The following STK3 variants were observed in gnomAD, a reference collection of about 807,000 sequenced individuals.
The protein encoded by STK3 is serine/threonine kinase 3.
STK3 carries 41 observed loss-of-function variants against 58.0 expected under a neutral mutation model. That is an observed-to-expected ratio of 0.71 (90% CI 0.55 to 0.92). The LOEUF is 0.92. STK3 is among the 40% of genes least tolerant of loss of function. The pLI is 0.00. For missense variants in STK3, 479 were observed against 602.7 expected, an observed-to-expected ratio of 0.79 and a Z score of 2.15; for synonymous variants, 170 against 191.0, an observed-to-expected ratio of 0.89 and a Z score of 0.91.
At chr8:98,826,739 G>A (rs989196208), upstream of STK3, among the ~76,000 whole-genome samples, 1 of 149,036 alleles carries the variant, frequency 6.7e-6, no homozygotes, top group South Asian at 2.2e-4. Flanking sequence ...AAATTGTCAA[G>A]ATGGGCCGGG....
rs936888576 is a variant in STK3 at position 98,912,881 on chromosome 8, T to C, written c.-78-29047A>G. ...GAGTGGTTGTGTTTTTTTTGTTTTT[T>C]GTTTTTTTGACAAAGTCTCACTGGT... On this transcript the variant is annotated intron_variant, in intron 1 of 1. Transcript: ENST00000519420. 2.6e-5 allele frequency among the ~76,000 whole-genome samples: 4 copies of C among 152,224 alleles called. No homozygotes were observed. In the South Asian group the frequency reaches 8.3e-4, roughly 32 times the overall value.
intron 3 of STK3, among the ~76,000 whole-genome samples, chr8:98,765,723 G>C (rs1389657663): frequency 6.6e-6 from 1 of 152,258 alleles, no homozygotes; most frequent in African/African-American, 2.4e-5. Flanking sequence ...AACGATGAGA[G>C]AGTACAAGAA....
At chr8:98,565,512 T>A (rs1420736171) in intron 8 of STK3, among the ~76,000 whole-genome samples, 4 of 152,154 alleles carry the variant, frequency 2.6e-5, no homozygotes, top group African/African-American at 9.6e-5. Context: ...AGAGTATTTT[T>A]AAAATATTTT....
intron 6 of STK3, among the ~76,000 whole-genome samples, chr8:98,621,594 C>G (rs1282636881): frequency 2.0e-5 from 3 of 152,088 alleles, no homozygotes; most frequent in African/African-American, 7.2e-5. Flanking sequence ...ATTCTGAGAT[C>G]ATTCAATACC....
intron 7 of STK3, among the ~76,000 whole-genome samples, chr8:98,584,104 T>C (rs1814213603): frequency 6.6e-6 from 1 of 152,090 alleles, no homozygotes; most frequent in African/African-American, 2.4e-5. Flanking sequence ...TTTTTTTTTC[T>C]TTTATTATTA....
At chr8:98,488,471 T>C (rs1346660584) in intron 10 of STK3, among the ~76,000 whole-genome samples, 1 of 152,020 alleles carries the variant, frequency 6.6e-6, no homozygotes, top group Admixed American at 6.6e-5. Flanking sequence ...TAGGGTAGGG[T>C]AGGGAGGAAA....
intron 6 of STK3, among the ~76,000 whole-genome samples, chr8:98,697,116 T>C (rs1165393021): frequency 1.3e-5 from 2 of 152,254 alleles, no homozygotes; most frequent in African/African-American, 4.8e-5. Flanking sequence ...ATTTATCCAT[T>C]TCTTCTAGAT....
At chr8:98,798,950 C>T (rs559179106) in intron 1 of STK3, among the ~76,000 whole-genome samples, 1 of 152,340 alleles carries the variant, frequency 6.6e-6, no homozygotes, top group African/African-American at 2.4e-5. Context: ...GAGGATATAG[C>T]AACAAGACAC....
chr8:98,895,669 A>G (rs990835391), intron 1 of STK3, among the ~76,000 whole-genome samples: 1 of 152,186 alleles, frequency 6.6e-6, no homozygotes, highest in African/African-American at 2.4e-5. Flanking sequence ...CTCAAGATGA[A>G]CCGAATGCCA....
chr8:98,904,349 A>G lies in STK3; in HGVS notation c.-78-20515T>C, dbSNP rs555067095. On this transcript the variant is annotated intron_variant, in intron 1 of 1. Coordinates refer to the STK3 transcript ENST00000519420. ...GGGGATGCCAGCATAATCCTTACCT[A>G]GGGCTGTTCAGAGGCTGAGAATATA... 3.3e-5 allele frequency among the ~76,000 whole-genome samples: 5 copies of G among 152,218 alleles called. No homozygotes were observed. In the South Asian group the frequency reaches 1.0e-3, roughly 32 times the overall value.
At chr8:98,694,008 A>C (rs1042910650) in intron 6 of STK3, among the ~76,000 whole-genome samples, 11 of 152,122 alleles carry the variant, frequency 7.2e-5, no homozygotes, top group African/African-American at 2.7e-4. Flanking sequence ...TTTGTGAAAA[A>C]AGTAGTGCCA....
At chr8:98,890,483 A>G (rs1838155485) in intron 1 of STK3, among the ~76,000 whole-genome samples, 1 of 152,206 alleles carries the variant, frequency 6.6e-6, no homozygotes, top group South Asian at 2.1e-4. Context: ...GTGCGACAGC[A>G]AGCAACTAGA....
chr8:98,582,899 A>G (rs1814044297), intron 7 of STK3, among the ~76,000 whole-genome samples: 1 of 152,108 alleles, frequency 6.6e-6, no homozygotes. Context: ...ATCCCAATTT[A>G]TTTATTTAGA....
At chr8:98,458,461 T>C (rs969043084) in intron 10 of STK3, among the ~76,000 whole-genome samples, 1 of 152,172 alleles carries the variant, frequency 6.6e-6, no homozygotes, top group Admixed American at 6.5e-5. Context: ...TTTACAGCTA[T>C]TGTAAAAGGG....
At chr8:98,520,557 T>C (rs1015306110) in intron 10 of STK3, among the ~76,000 whole-genome samples, 7 of 152,156 alleles carry the variant, frequency 4.6e-5, no homozygotes, top group African/African-American at 1.7e-4. Context: ...CATTTTTTTT[T>C]CTTAGAACCC....
chr8:98,563,020 A>AG (rs1260507824), intron 8 of STK3, among the ~76,000 whole-genome samples: 1 of 151,748 alleles, frequency 6.6e-6, no homozygotes, highest in Non-Finnish European at 1.5e-5. Context: ...ATGTGGCAAA[A>AG]AAAAAAAAAG....
intron 4 of STK3, among the ~76,000 whole-genome samples, chr8:98,714,308 G>A (rs1405369602): frequency 6.6e-6 from 1 of 152,124 alleles, no homozygotes; most frequent in Admixed American, 6.5e-5. Flanking sequence ...GGAAATTAAG[G>A]GTATTCAATT....
chr8:98,538,349 T>G (rs912520260), intron 9 of STK3, among the ~76,000 whole-genome samples: 1 of 152,158 alleles, frequency 6.6e-6, no homozygotes, highest in Non-Finnish European at 1.5e-5. Context: ...CAAAGAAGGA[T>G]AAACATAACA....
downstream of STK3, among the ~76,000 whole-genome samples, chr8:98,452,068 T>C (rs1287498457): frequency 6.6e-6 from 1 of 152,232 alleles, no homozygotes; most frequent in African/African-American, 2.4e-5. Context: ...ATCATTAATC[T>C]TTAACATACA....
Sources: gnomAD v4.1 joint callset for allele counts (sites outside exome capture counted in the v4.1 genomes callset) on GRCh38, gnomAD v4.1.1 for gene constraint, MANE v1.5 for transcripts, NCBI Gene and HGNC (gene_info 2026-07-23, HGNC 2026-07-21) for gene names.